Variants in PRR5L observed in about 807,000 individuals in gnomAD.
The protein encoded by PRR5L is proline-rich protein 5-like.
Under a neutral mutation model 36.4 loss-of-function variants are expected in PRR5L, and 21 were observed. The observed-to-expected ratio is 0.58, with a 90% CI of 0.41 to 0.83. The LOEUF is 0.83. Among genes scored for constraint, PRR5L ranks in the 40% least tolerant of loss-of-function variants. The probability of loss-of-function intolerance (pLI) is 0.00; values close to 1 mark genes in which losing one functional copy is unlikely to be tolerated. For synonymous variants in PRR5L, 188 were observed against 197.0 expected, an observed-to-expected ratio of 0.95 and a Z score of 0.38; for missense variants, 381 against 473.3, an observed-to-expected ratio of 0.80 and a Z score of 1.81.
intron 7 of PRR5L, among the ~76,000 whole-genome samples, chr11:36,447,205 G>A (rs894823972): frequency 1.3e-5 from 2 of 152,232 alleles, no homozygotes; most frequent in Non-Finnish European, 2.9e-5. Context: ...GACAATCACT[G>A]TATGAAGTAG....
chr11:36,446,788 G>A (rs1389826830), intron 7 of PRR5L, among the ~76,000 whole-genome samples: 1 of 152,194 alleles, frequency 6.6e-6, no homozygotes, highest in Non-Finnish European at 1.5e-5. Context: ...CCTAGCTTAA[G>A]CAGATGAGGA....
At chr11:36,339,332 G>A (rs997691478) in intron 1 of PRR5L, among the ~76,000 whole-genome samples, 2 of 152,180 alleles carry the variant, frequency 1.3e-5, no homozygotes, top group Admixed American at 6.5e-5. Flanking sequence ...GACCTCAGAC[G>A]ATCCACTCAC....
At chr11:36,309,479 G>A (rs886977190) in intron 1 of PRR5L, among the ~76,000 whole-genome samples, 4 of 152,146 alleles carry the variant, frequency 2.6e-5, no homozygotes, top group South Asian at 2.1e-4. Flanking sequence ...AAAATTATCA[G>A]GCATATCTAT....
chr11:36,360,887 T>TA (rs1274973369), intron 1 of PRR5L, among the ~76,000 whole-genome samples: 7 of 149,084 alleles, frequency 4.7e-5, no homozygotes, highest in African/African-American at 1.6e-4. Context: ...GAAGCAAGTA[T>TA]AACTCTACAG....
At position 36,436,918 on chromosome 11, in the gene PRR5L, T is replaced by C. The variant is rs531871503; in HGVS notation, c.353-467T>C. On this transcript the variant is annotated intron_variant, in intron 5 of 8. Transcript: ENST00000530639. ...ACAATTACTATGTGATTTTAAGATG[T>C]CAGCTCCCTTTTCTGGATTGGAGGA... Among the ~76,000 whole-genome samples, 4 of 152,358 alleles carry C rather than the reference T, an allele frequency of 2.6e-5. No individual in the cohort carries two copies. In the South Asian group the frequency reaches 8.3e-4, roughly 32 times the overall value.
chr11:36,383,036 C>T (rs1857397083), intron 1 of PRR5L, among the ~76,000 whole-genome samples: 1 of 152,102 alleles, frequency 6.6e-6, no homozygotes, highest in East Asian at 1.9e-4. Context: ...CTGGTGTTAT[C>T]CCTCCATAGC....
At chr11:36,383,695 C>CTTT (rs34900545) in intron 1 of PRR5L, among the ~76,000 whole-genome samples, 6 of 109,252 alleles carry the variant, frequency 5.5e-5, no homozygotes, top group East Asian at 5.1e-4. Context: ...CTTTCTTTTC[C>CTTT]TTTTTTTTTT....
chr11:36,352,377 T>C (rs1417993645), intron 1 of PRR5L, among the ~76,000 whole-genome samples: 1 of 152,192 alleles, frequency 6.6e-6, no homozygotes, highest in Non-Finnish European at 1.5e-5. Context: ...GAAGATTTTC[T>C]CCCACTCTGT....
intron 1 of PRR5L, among the ~76,000 whole-genome samples, chr11:36,311,653 T>C (rs1856504275): frequency 6.6e-6 from 1 of 152,134 alleles, no homozygotes; most frequent in Non-Finnish European, 1.5e-5. Context: ...TGGAAAAAGG[T>C]AGATATGGCA....
At chr11:36,368,738 A>G (rs1857169622) in intron 1 of PRR5L, among the ~76,000 whole-genome samples, 1 of 152,268 alleles carries the variant, frequency 6.6e-6, no homozygotes, top group East Asian at 1.9e-4. Context: ...TCAGAAATGT[A>G]AAACAATACC....
At chr11:36,304,691 A>ATT (rs1185988762) in intron 1 of PRR5L, among the ~76,000 whole-genome samples, 4 of 152,176 alleles carry the variant, frequency 2.6e-5, no homozygotes, top group African/African-American at 9.7e-5. Flanking sequence ...TACACACACA[A>ATT]TTTTGGACAC....
rs1284080041 is a variant in PRR5L at position 36,366,398 on chromosome 11, T to G, written c.-125-34599T>G. On this transcript the variant is annotated intron_variant, in intron 1 of 8. Coordinates refer to ENST00000530639, the MANE Select transcript of PRR5L (RefSeq NM_001160167.2). Reference sequence around the variant, plus strand: ...TTTTTTGTTTTTATCAATTCCATATTTGTGTGTGTGTGTGTGAGAGAGAGA... The same window carrying G: ...TTTTTTGTTTTTATCAATTCCATATGTGTGTGTGTGTGTGTGAGAGAGAGA... 2.1e-5 allele frequency among the ~76,000 whole-genome samples: 3 copies of G among 142,762 alleles called. No homozygotes were observed. The East Asian group carries it at 5.9e-4, about 28-fold the overall frequency. The allele number at this position is 142,762 out of a possible 152,430, so 93.7% of individuals were successfully genotyped here.
chr11:36,397,528 C>A (rs905968300), intron 1 of PRR5L, among the ~76,000 whole-genome samples: 3 of 122,440 alleles, frequency 2.5e-5, no homozygotes, highest in Non-Finnish European at 4.7e-5. Flanking sequence ...GCCATCTTGG[C>A]TCACTGCAAC....
intron 4 of PRR5L, among the ~76,000 whole-genome samples, chr11:36,429,480 A>G (rs1234665792): frequency 6.6e-6 from 1 of 152,064 alleles, no homozygotes; most frequent in African/African-American, 2.4e-5. Flanking sequence ...CTAGGTTTTC[A>G]TTTCTGTCCA....
intron 3 of PRR5L, among the ~76,000 whole-genome samples, chr11:36,413,181 C>G (rs1858063309): frequency 6.6e-6 from 1 of 152,234 alleles, no homozygotes; most frequent in Admixed American, 6.5e-5. Flanking sequence ...ACAGTCTGCT[C>G]ACAGGCTGGC....
At chr11:36,338,982 T>C (rs1438644865) in intron 1 of PRR5L, among the ~76,000 whole-genome samples, 1 of 152,200 alleles carries the variant, frequency 6.6e-6, no homozygotes, top group East Asian at 1.9e-4. Context: ...GATGGGTTTG[T>C]CAGGGGTTTC....
intron 1 of PRR5L, among the ~76,000 whole-genome samples, chr11:36,340,690 A>G (rs1422335830): frequency 2.0e-5 from 3 of 152,148 alleles, no homozygotes; most frequent in Non-Finnish European, 2.9e-5. Flanking sequence ...CTCTGCTCTA[A>G]AAGGAGAGAG....
chr11:36,329,580 T>G (rs1565391732), intron 1 of PRR5L, among the ~76,000 whole-genome samples: 1 of 152,240 alleles, frequency 6.6e-6, no homozygotes, highest in Non-Finnish European at 1.5e-5. Context: ...AGATTACCCT[T>G]GTTTATAAAT....
intron 1 of PRR5L, among the ~76,000 whole-genome samples, chr11:36,350,489 G>A (rs1204708965): frequency 1.3e-5 from 2 of 152,116 alleles, no homozygotes; most frequent in Non-Finnish European, 2.9e-5. Flanking sequence ...GTTAAAAAAA[G>A]TTCATGTTTC....
Sources: allele counts gnomAD v4.1 joint callset (sites outside exome capture counted in the v4.1 genomes callset), GRCh38; gene constraint gnomAD v4.1.1; transcripts MANE v1.5; gene names NCBI Gene and HGNC (gene_info 2026-07-23, HGNC 2026-07-21).